CCSER2: variants seen among roughly 807,000 people sequenced by gnomAD.
The protein encoded by CCSER2 is serine-rich coiled-coil domain-containing protein 2.
CCSER2 carries 46 observed loss-of-function variants against 92.3 expected under a neutral mutation model. The ratio of observed to expected loss-of-function variants is 0.50; its 90% confidence interval spans 0.39 to 0.64. The LOEUF is 0.64. CCSER2 is among the 30% of genes least tolerant of loss of function. The probability of loss-of-function intolerance (pLI) is 0.00; values close to 1 mark genes in which losing one functional copy is unlikely to be tolerated. For missense variants in CCSER2, 1,244 were observed against 1,238.9 expected (o/e 1.00, Z -0.06); for synonymous variants, 433 against 431.4 (o/e 1.00, Z -0.04).
Position 84,371,625 on chromosome 10 carries a change from C to T in CCSER2, c.573C>T (p.Asn191=), listed in dbSNP as rs753893589. The change falls in exon 2 of 10, where the codon AAC becomes AAT. Residue 191 remains asparagine (N), a synonymous_variant. Transcript: ENST00000372088. ...SAGSMQRPRA[N]SCATRSSSGE... is the part of the protein sequence containing the mutation. ...GTAGCATGCAAAGGCCTAGAGCGAACTCCTGTGCCACCAGAAGCAGTTCTG... is the reference window on the plus strand; with the variant it reads ...GTAGCATGCAAAGGCCTAGAGCGAATTCCTGTGCCACCAGAAGCAGTTCTG... 17 of 1,613,410 alleles carry T rather than the reference C, an allele frequency of 1.1e-5. No homozygotes were observed. The highest frequency in any genetic ancestry group is 1.4e-5 in the Non-Finnish European group (17 of 1,179,590).
chr10:84,466,661 C>T (rs1483822585), intron 7 of CCSER2, among the ~76,000 whole-genome samples: 4 of 151,362 alleles, frequency 2.6e-5, no homozygotes, highest in African/African-American at 7.3e-5. Flanking sequence ...CCCGCCGCCA[C>T]GCCTGGCTAA....
At chr10:84,341,699 A>G (rs1455774373) in intron 1 of CCSER2, among the ~76,000 whole-genome samples, 1 of 152,116 alleles carries the variant, frequency 6.6e-6, no homozygotes, top group Admixed American at 6.5e-5. Flanking sequence ...TGCATGCTCC[A>G]GGTTGTGACC....
At chr10:84,458,913 T>A (rs890688465) in intron 6 of CCSER2, among the ~76,000 whole-genome samples, 2 of 152,204 alleles carry the variant, frequency 1.3e-5, no homozygotes, top group Non-Finnish European at 2.9e-5. Context: ...GTAGTTTTTT[T>A]TAAATTCAAT....
intron 8 of CCSER2, among the ~76,000 whole-genome samples, chr10:84,471,730 C>T (rs952821358): frequency 2.0e-5 from 3 of 151,834 alleles, no homozygotes; most frequent in African/African-American, 7.3e-5. Context: ...AACTTACTGC[C>T]CATTTTACCT....
At chr10:84,397,893 A>C (rs1214770772) in intron 3 of CCSER2, among the ~76,000 whole-genome samples, 2 of 152,216 alleles carry the variant, frequency 1.3e-5, no homozygotes, top group Admixed American at 6.5e-5. Flanking sequence ...AAATTATAGA[A>C]AGTGAATGCA....
intron 1 of CCSER2, among the ~76,000 whole-genome samples, chr10:84,348,838 A>G (rs1264742994): frequency 1.3e-5 from 2 of 152,152 alleles, no homozygotes; most frequent in Non-Finnish European, 2.9e-5. Context: ...TTACTTGTTA[A>G]TGTTTTTTGC....
chr10:84,389,485 T>C (rs78144606), intron 3 of CCSER2: 2 of 319,734 alleles, frequency 6.3e-6, no homozygotes. Context: ...TCAGTTTCAC[T>C]GTAATTCTCA....
At chr10:84,361,443 G>A (rs558771748) in intron 1 of CCSER2, among the ~76,000 whole-genome samples, 4 of 152,272 alleles carry the variant, frequency 2.6e-5, no homozygotes, top group African/African-American at 9.6e-5. Context: ...TTAGGTAGGA[G>A]TGATATTAAT....
chr10:84,385,182 A>T (rs890556875), intron 3 of CCSER2, among the ~76,000 whole-genome samples: 5 of 152,226 alleles, frequency 3.3e-5, no homozygotes, highest in Non-Finnish European at 7.3e-5. Context: ...CATACTGCTC[A>T]AAGTAATCTA....
At position 84,407,907 on chromosome 10, in the gene CCSER2, G is replaced by A. The variant is rs182899581; in HGVS notation, c.1615-9864G>A. Reference sequence around the variant, plus strand: ...TTTGAAAAGACTTAACTCACAAAATGAGACTTTCTGGGGAGAACAGGGCAG... The same window carrying A: ...TTTGAAAAGACTTAACTCACAAAATAAGACTTTCTGGGGAGAACAGGGCAG... On this transcript the variant is annotated intron_variant, in intron 3 of 9. Transcript: ENST00000372088. 3.0e-3 allele frequency among the ~76,000 whole-genome samples: 456 copies of A among 152,214 alleles called. 2 individuals are homozygous for A. Among genetic ancestry groups the A allele is most frequent in the African/African-American group, 0.011 (436 of 41,520 alleles).
chr10:84,513,842 C>T lies in CCSER2; in HGVS notation c.2719C>T (p.Gln907Ter), dbSNP rs1016733410. The T allele has an allele frequency of 6.5e-7, 1 of 1,536,128 alleles. No homozygotes were observed. Among genetic ancestry groups the T allele is most frequent in the Non-Finnish European group, 8.7e-7 (1 of 1,146,940 alleles). Residue 907 changes from glutamine to a stop codon, truncating the protein, a stop_gained, in exon 10 of 10, where the codon CAG (glutamine) becomes TAG (stop). Transcript: ENST00000372088. LOFTEE classifies it high-confidence loss of function. Reference protein sequence around the residue: ...VDQAKRVGRNQSPPVGYMSQP... With the variant: ...VDQAKRVGRN ...CCAGGCTAAGAGAGTTGGAAGAAAT[C>T]AGTCTCCGCCAGTGGGTTATATGTC...
At chr10:84,450,514 C>T (rs1336244682) in intron 6 of CCSER2, among the ~76,000 whole-genome samples, 2 of 151,922 alleles carry the variant, frequency 1.3e-5, no homozygotes, top group African/African-American at 2.4e-5. Flanking sequence ...GTGTCCCCAC[C>T]CCCCAAAATA....
intron 9 of CCSER2, among the ~76,000 whole-genome samples, chr10:84,511,298 G>A (rs1211089682): frequency 1.3e-5 from 2 of 152,136 alleles, no homozygotes; most frequent in African/African-American, 4.8e-5. Flanking sequence ...ATAAGCAGTG[G>A]TCAGTTGGGT....
chr10:84,439,681 A>G (rs1844407515), intron 6 of CCSER2, among the ~76,000 whole-genome samples: 1 of 152,216 alleles, frequency 6.6e-6, no homozygotes, highest in African/African-American at 2.4e-5. Context: ...TCTTGTGGAT[A>G]TTTGACTACT....
At chr10:84,388,097 T>C (rs1841324554) in intron 3 of CCSER2, among the ~76,000 whole-genome samples, 1 of 152,136 alleles carries the variant, frequency 6.6e-6, no homozygotes, top group South Asian at 2.1e-4. Flanking sequence ...ACTCCTGACC[T>C]CGTGATCTGC....
intron 9 of CCSER2, among the ~76,000 whole-genome samples, chr10:84,492,616 G>A (rs949712664): frequency 2.6e-5 from 4 of 152,294 alleles, no homozygotes; most frequent in Non-Finnish European, 4.4e-5. Flanking sequence ...TTGGGAGATG[G>A]TTTTTATCAA....
chr10:84,425,182 A>G, intron 4 of CCSER2: 5 of 984,526 alleles, frequency 5.1e-6, no homozygotes, highest in Non-Finnish European at 6.0e-6. Flanking sequence ...CTTTTTGAAC[A>G]AGCTCTTACT....
intron 5 of CCSER2, among the ~76,000 whole-genome samples, chr10:84,430,685 TACC>T (rs1843717094): frequency 6.6e-6 from 1 of 152,218 alleles, no homozygotes; most frequent in Non-Finnish European, 1.5e-5. Context: ...GTTCTCAAGC[TACC>T]ACAAAGGTAA....
intron 9 of CCSER2, among the ~76,000 whole-genome samples, chr10:84,499,284 T>C (rs906594568): frequency 6.6e-6 from 1 of 152,082 alleles, no homozygotes; most frequent in Admixed American, 6.6e-5. Flanking sequence ...TACAGGTGGC[T>C]GCCACCACAC....
Sources: gnomAD v4.1 joint callset for allele counts (sites outside exome capture counted in the v4.1 genomes callset) on GRCh38, gnomAD v4.1.1 for gene constraint, MANE v1.5 for transcripts, NCBI Gene and HGNC (gene_info 2026-07-23, HGNC 2026-07-21) for gene names.